Variants in PIM1 observed in about 807,000 individuals in gnomAD.
PIM1 encodes the protein Pim-1 proto-oncogene, serine/threonine kinase.
A neutral mutation model predicts 34.5 loss-of-function variants in PIM1; 9 were observed. The observed-to-expected ratio is 0.26, with a 90% CI of 0.16 to 0.46. The LOEUF is 0.46. Ranked by LOEUF, PIM1 falls within the 20% of genes least tolerant of loss-of-function variation. PIM1 has a pLI of 1.00. For missense variants in PIM1, 274 were observed against 410.9 expected (o/e 0.67, Z 2.88); for synonymous variants, 199 against 175.2 (o/e 1.14, Z -1.07).
chr6:37,174,013 A>T lies in PIM1; in HGVS notation c.864A>T (p.Pro288=). 3 of 1,614,082 alleles carry T rather than the reference A, an allele frequency of 1.9e-6. No individual in the cohort carries two copies. The highest frequency in any genetic ancestry group is 3.3e-4 in the Middle Eastern group (2 of 6,062). ...RPTFEEIQNH[P]WMQDVLLPQE... is the part of the protein sequence containing the mutation. ...CCTTCGAAGAAATCCAGAACCATCC[A>T]TGGATGCAAGATGTTCTCCTGCCCC... Residue 288 remains proline (P), a synonymous_variant, in exon 6 of 6, where the codon CCA becomes CCT. Coordinates refer to ENST00000373509, the MANE Select transcript of PIM1 (RefSeq NM_002648.4).
intron 4 of PIM1, chr6:37,172,668 C>T: frequency 3.8e-6 from 2 of 523,600 alleles, no homozygotes; most frequent in East Asian, 4.7e-5. Flanking sequence ...TGCAGACATG[C>T]ATCCCTTCAT....
chr6:37,174,646 C>T lies in PIM1; in HGVS notation c.*555C>T, dbSNP rs10507. 0.29 allele frequency: 68,363 copies of T among 233,542 alleles called. 10,680 individuals are homozygous for T. Among genetic ancestry groups the T allele is most frequent in the African/African-American group, 0.38 (17,118 of 45,316 alleles). The allele number at this position is 233,542 out of a possible 1,614,324, so 14.5% of individuals were successfully genotyped here. A position where few individuals can be genotyped will look rare whatever the true frequency, so the allele number is the denominator to read the frequency against. On this transcript the variant is annotated 3_prime_UTR_variant, in exon 6 of 6. Transcript: ENST00000373509. Reference sequence around the variant, plus strand: ...TTGTTCCCTATTTTTCTCTCCTGTCCTCCCTCACCCCCTCCTTCATATGAA... The same window carrying T: ...TTGTTCCCTATTTTTCTCTCCTGTCTTCCCTCACCCCCTCCTTCATATGAA...
intron 4 of PIM1, 189 bp from the exon 5 acceptor site, chr6:37,172,807 T>G (rs1391288418): frequency 1.4e-6 from 1 of 693,678 alleles, no homozygotes; most frequent in Non-Finnish European, 2.6e-6. Context: ...GGGTAATGCT[T>G]TGGGTTGGAG....
At chr6:37,172,019 A>C (rs368178029) in intron 4 of PIM1, among the ~76,000 whole-genome samples, 103 of 152,164 alleles carry the variant, frequency 6.8e-4, no homozygotes, top group Non-Finnish European at 1.2e-3. Context: ...AGAGAGAGTC[A>C]GGAATGAATG....
At chr6:37,172,020 G>A (rs1762298040) in intron 4 of PIM1, among the ~76,000 whole-genome samples, 1 of 151,974 alleles carries the variant, frequency 6.6e-6, no homozygotes, top group Non-Finnish European at 1.5e-5. Flanking sequence ...GAGAGAGTCA[G>A]GAATGAATGT....
rs1762259189 is a variant in PIM1, at chr6:37,170,661, AGAGCACCCCCCGCCTCCG to A, written c.82+6_82+23del. 1 of 1,610,992 alleles carries A rather than the reference AGAGCACCCCCCGCCTCCG, an allele frequency of 6.2e-7. No individual in the cohort carries two copies. The highest frequency in any genetic ancestry group is 1.3e-5 in the African/African-American group (1 of 74,648). ...CACGCCACCAAGCTGGCGCCCGGTGAGAGCACCCCCCGCCTCCGGCCCGGGGATGCGGGGCGGCGGCGG... is the reference window on the plus strand; with the variant it reads ...CACGCCACCAAGCTGGCGCCCGGTGAGCCCGGGGATGCGGGGCGGCGGCGG... On this transcript the variant is annotated splice_donor_5th_base_variant and intron_variant, in intron 1 of 5. Transcript: ENST00000373509.
rs1762374897 is a variant in PIM1, at chr6:37,174,697, C to G, written c.*606C>G. On this transcript the variant is annotated 3_prime_UTR_variant, in exon 6 of 6. Coordinates refer to ENST00000373509, the MANE Select transcript of PIM1 (RefSeq NM_002648.4). ...AGGTGCCATGGAAGAGGCTACAGGG[C>G]CAAACGCTGAGCCACCTGCCCTTTT... The G allele has an allele frequency of 8.6e-6, 2 of 233,618 alleles. No individual in the cohort carries two copies. Among genetic ancestry groups the G allele is most frequent in the Admixed American group, 5.6e-5 (1 of 17,772 alleles). The allele number at this position is 233,618 out of a possible 1,614,324, so 14.5% of individuals were successfully genotyped here.
intron 4 of PIM1, 146 bp from the exon 5 acceptor site, chr6:37,172,850 G>C (rs1762330803): frequency 1.3e-6 from 1 of 754,622 alleles, no homozygotes; most frequent in African/African-American, 1.7e-5. Context: ...ACTCTCCTTA[G>C]CCCAGAGGGA....
In PIM1 at chr6:37,175,194, C is replaced by T. The variant is rs1762388311; in HGVS notation, c.*1103C>T. 1 of 233,662 alleles carries T rather than the reference C, an allele frequency of 4.3e-6. No individual in the cohort carries two copies. The highest frequency in any genetic ancestry group is 8.5e-6 in the Non-Finnish European group (1 of 118,166). 14.5% of individuals were successfully genotyped at this position (233,662 alleles called of 1,614,324 possible). ...TCTGTGGGGCCCCTCACCTACTTACCCAGGTGGGTCCCGGCTCTGTGGGTG... is the reference window on the plus strand; with the variant it reads ...TCTGTGGGGCCCCTCACCTACTTACTCAGGTGGGTCCCGGCTCTGTGGGTG... On this transcript the variant is annotated 3_prime_UTR_variant, in exon 6 of 6. Coordinates refer to ENST00000373509, the MANE Select transcript of PIM1 (RefSeq NM_002648.4).
At position 37,170,903 on chromosome 6, in the gene PIM1, G is replaced by T. The variant is rs772791927; in HGVS notation, c.189+24G>T. ...CGGTGAGTGGGCGCCCCGCGGTGGG[G>T]AGGGCGCGCCGGGCGGGGGGCGCAC... is the stretch of plus-strand genomic sequence containing the variant. On this transcript the variant is annotated intron_variant, in intron 2 of 5. Coordinates refer to ENST00000373509, the MANE Select transcript of PIM1 (RefSeq NM_002648.4). 6.8e-6 allele frequency: 11 copies of T among 1,611,928 alleles called. No homozygotes were observed. In the East Asian group the frequency reaches 2.5e-4, roughly 36 times the overall value.
At chr6:37,170,924 C>T (rs1016090843) in intron 2 of PIM1, 45 bp downstream of exon 2, 1 of 1,612,878 alleles carries the variant, frequency 6.2e-7, no homozygotes, top group South Asian at 1.1e-5. Flanking sequence ...GGGCGGGGGG[C>T]GCACGGGCGT....
chr6:37,170,909 G>T, intron 2 of PIM1, 30 bp downstream of exon 2: 1 of 1,611,996 alleles, frequency 6.2e-7, no homozygotes, highest in Non-Finnish European at 8.5e-7. Flanking sequence ...TGGGGAGGGC[G>T]CGCCGGGCGG....
rs1762252672 is a variant in PIM1, at chr6:37,170,492, C to CA, written c.-83dup. On this transcript the variant is annotated 5_prime_UTR_variant, in exon 1 of 6. Coordinates refer to ENST00000373509, the MANE Select transcript of PIM1 (RefSeq NM_002648.4). ...CCACAGCCACAGCCACAGCCCCAGG[C>CA]ATAGCCTTCGGCACAGCCCCGGCTC... 1 of 1,590,614 alleles carries CA rather than the reference C, an allele frequency of 6.3e-7. No individual in the cohort carries two copies. The highest frequency in any genetic ancestry group is 8.5e-7 in the Non-Finnish European group (1 of 1,172,472).
In PIM1 at chr6:37,171,208, C is replaced by T; in HGVS notation, c.324C>T (p.Asp108=). 6.2e-7 allele frequency: 1 copy of T among 1,614,142 alleles called. No homozygotes were observed. The highest frequency in any genetic ancestry group is 1.3e-5 in the African/African-American group (1 of 75,072). Residue 108 remains aspartate, a synonymous_variant, in exon 4 of 6, where the codon GAC becomes GAT. Coordinates refer to ENST00000373509, the MANE Select transcript of PIM1 (RefSeq NM_002648.4). ...SGFSGVIRLL[D]WFERPDSFVL... is the part of the protein sequence containing the mutation. ...TCTCCGGCGTCATTAGGCTCCTGGA[C>T]TGGTTCGAGAGGCCCGACAGTTTCG...
chr6:37,174,373 G>A lies in PIM1; in HGVS notation c.*282G>A, dbSNP rs929967747. 3 of 122,730 alleles carry A rather than the reference G, an allele frequency of 2.4e-5. No homozygotes were observed. Among genetic ancestry groups the A allele is most frequent in the African/African-American group, 6.4e-5 (2 of 31,458 alleles). 7.6% of individuals were successfully genotyped at this position (122,730 alleles called of 1,614,324 possible). ...TGCTGGACTCTGAAATATCCCGGGG[G>A]TGGGGGGTGGGGGTGGGTCAGAACC... On this transcript the variant is annotated 3_prime_UTR_variant, in exon 6 of 6. Coordinates refer to ENST00000373509, the MANE Select transcript of PIM1 (RefSeq NM_002648.4).
chr6:37,172,883 T>TG (rs1762331068), intron 4 of PIM1, 113 bp from the exon 5 acceptor site: 2 of 937,866 alleles, frequency 2.1e-6, no homozygotes, highest in African/African-American at 3.4e-5. Flanking sequence ...ACCTAGCTCC[T>TG]GAGAGAAGGG....
rs779640813 is a variant in PIM1, at chr6:37,170,479, C to T, written c.-97C>T. 6.3e-7 allele frequency: 1 copy of T among 1,576,404 alleles called. No individual in the cohort carries two copies. Among genetic ancestry groups the T allele is most frequent in the South Asian group, 1.1e-5 (1 of 88,342 alleles). ...ACGCCACCCGCAGCCACAGCCACAG[C>T]CACAGCCCCAGGCATAGCCTTCGGC... On this transcript the variant is annotated 5_prime_UTR_variant, in exon 1 of 6. Transcript: ENST00000373509.
rs1423690798 is a variant in PIM1 at position 37,170,229 on chromosome 6, AGCGGCGGCG to A, written c.-342_-334del. 2.4e-6 allele frequency: 3 copies of A among 1,253,252 alleles called. No homozygotes were observed. The highest frequency in any genetic ancestry group is 3.0e-6 in the Non-Finnish European group (3 of 992,664). 77.6% of individuals were successfully genotyped at this position (1,253,252 alleles called of 1,614,324 possible). The stretch of plus-strand genomic sequence containing the variant: ...AGGAGGCCCGAGAGGAGTCGGTGGC[AGCGGCGGCG>A]GCGGGACCGGCAGCAGCAGCAGCAG... On this transcript the variant is annotated 5_prime_UTR_variant, in exon 1 of 6. Transcript: ENST00000373509.
chr6:37,171,585 A>T, intron 4 of PIM1, 94 bp downstream of exon 4: 1 of 1,469,822 alleles, frequency 6.8e-7, no homozygotes, highest in Non-Finnish European at 9.1e-7. Flanking sequence ...AGCCTTTTGT[A>T]AAGGTCATTG....
Sources: gnomAD v4.1 joint callset for allele counts (sites outside exome capture counted in the v4.1 genomes callset) on GRCh38, gnomAD v4.1.1 for gene constraint, MANE v1.5 for transcripts, NCBI Gene and HGNC (gene_info 2026-07-23, HGNC 2026-07-21) for gene names.